SLC18A2: variants seen among roughly 807,000 people sequenced by gnomAD.
SLC18A2 encodes the protein solute carrier family 18 member A2.
In SLC18A2, 33 loss-of-function variants were observed where a neutral mutation model predicts 59.2. The observed-to-expected ratio is 0.56, with a 90% CI of 0.42 to 0.75. The LOEUF (loss-of-function observed/expected upper bound fraction) is 0.75, where lower values mean the gene tolerates loss of function less well. Ranked by LOEUF, SLC18A2 falls within the 30% of genes least tolerant of loss-of-function variation. SLC18A2 has a pLI of 0.00. For missense variants in SLC18A2, 569 were observed against 668.6 expected (o/e 0.85, Z 1.64); for synonymous variants, 228 against 253.5 (o/e 0.90, Z 0.95).
intron 15 of SLC18A2, among the ~76,000 whole-genome samples, chr10:117,274,849 A>T (rs1286793461): frequency 2.0e-5 from 3 of 152,172 alleles, no homozygotes; most frequent in Admixed American, 2.0e-4. Context: ...AGATGCTGGG[A>T]TAGGACCTTA....
chr10:117,272,895 C>G (rs1460822157), intron 15 of SLC18A2, among the ~76,000 whole-genome samples: 1 of 152,122 alleles, frequency 6.6e-6, no homozygotes, highest in Non-Finnish European at 1.5e-5. Context: ...AGGGGGCATG[C>G]AGGCAGGACA....
intron 1 of SLC18A2, 40 bp from the exon 2 acceptor site, chr10:117,241,639 C>T: frequency 1.3e-6 from 2 of 1,505,260 alleles, no homozygotes; most frequent in Non-Finnish European, 1.8e-6. Flanking sequence ...ATGGGGGGTC[C>T]ACGGCCGCCT....
intron 15 of SLC18A2, 99 bp from the exon 16 acceptor site, chr10:117,277,063 C>T (rs1844506976): frequency 8.8e-6 from 6 of 684,612 alleles, no homozygotes; most frequent in Non-Finnish European, 1.2e-5. Context: ...AGTAATACTA[C>T]ATAGTTTTCA....
chr10:117,253,861 G>A (rs1462059094), intron 4 of SLC18A2, among the ~76,000 whole-genome samples, 187 bp from the exon 5 acceptor site: 1 of 152,182 alleles, frequency 6.6e-6, no homozygotes, highest in Non-Finnish European at 1.5e-5. Flanking sequence ...AAAGTATATG[G>A]CCTGGGAGGT....
chr10:117,254,972 C>T (rs1041650400), intron 6 of SLC18A2, among the ~76,000 whole-genome samples: 3 of 152,202 alleles, frequency 2.0e-5, no homozygotes, highest in Non-Finnish European at 2.9e-5. Context: ...GTACAAGGAG[C>T]GAAGTCTCTG....
chr10:117,245,378 C>A (rs993263441), intron 3 of SLC18A2, among the ~76,000 whole-genome samples: 2 of 152,094 alleles, frequency 1.3e-5, no homozygotes, highest in African/African-American at 4.8e-5. Context: ...CAGGGCTGGG[C>A]TAGGCTGTAA....
chr10:117,277,024 C>T (rs147320870), intron 15 of SLC18A2, 138 bp from the exon 16 acceptor site: 122 of 529,054 alleles, frequency 2.3e-4, no homozygotes, highest in African/African-American at 2.2e-3. Flanking sequence ...AGGCGTCTGG[C>T]GATTGCTCCA....
At chr10:117,265,860 C>G (rs1844341672) in intron 10 of SLC18A2, among the ~76,000 whole-genome samples, 1 of 152,130 alleles carries the variant, frequency 6.6e-6, no homozygotes, top group South Asian at 2.1e-4. Flanking sequence ...GAGGCTGAGG[C>G]AGGCGGATCA....
At chr10:117,270,272 A>G (rs1378818796) in intron 14 of SLC18A2, 58 bp from the exon 15 acceptor site, 1 of 1,612,902 alleles carries the variant, frequency 6.2e-7, no homozygotes, top group Non-Finnish European at 8.5e-7. Context: ...AAATCTTTGC[A>G]TCTTTCAGTC....
chr10:117,260,221 T>A (rs1844279572), intron 10 of SLC18A2, among the ~76,000 whole-genome samples: 2 of 152,216 alleles, frequency 1.3e-5, no homozygotes, highest in South Asian at 4.1e-4. Context: ...AACTGTCTCC[T>A]GCCAGGGTGA....
intron 3 of SLC18A2, among the ~76,000 whole-genome samples, chr10:117,248,861 C>A (rs1463751328): frequency 3.3e-5 from 5 of 152,196 alleles, no homozygotes; most frequent in Admixed American, 2.6e-4. Flanking sequence ...TTGCTGGGGA[C>A]CGTTTCCCTT....
At chr10:117,268,786 T>A (rs367548678) in intron 13 of SLC18A2, 1 of 152,244 alleles carries the variant, frequency 6.6e-6, no homozygotes, top group Non-Finnish European at 1.5e-5. Flanking sequence ...CGAGAGATCA[T>A]CTGGCCCTGC....
At chr10:117,256,153 G>A (rs568808507) in intron 9 of SLC18A2, among the ~76,000 whole-genome samples, 1 of 152,342 alleles carries the variant, frequency 6.6e-6, no homozygotes, top group African/African-American at 2.4e-5. Context: ...CGAGCAGCAG[G>A]GAGGCCGTTC....
chr10:117,254,179 T>C, intron 5 of SLC18A2, 48 bp downstream of exon 5: 1 of 1,557,972 alleles, frequency 6.4e-7, no homozygotes, highest in Non-Finnish European at 8.8e-7. Flanking sequence ...CCTTGCAGAG[T>C]GAGCTGGACT....
intron 10 of SLC18A2, among the ~76,000 whole-genome samples, chr10:117,262,319 T>G (rs1395873559): frequency 6.6e-6 from 1 of 152,248 alleles, no homozygotes; most frequent in African/African-American, 2.4e-5. Flanking sequence ...TAAACAAGAA[T>G]GTTTCTTAGG....
At chr10:117,241,636 G>T (rs540094005) in intron 1 of SLC18A2, 43 bp from the exon 2 acceptor site, 1 of 1,502,032 alleles carries the variant, frequency 6.7e-7, no homozygotes. Flanking sequence ...AGAATGGGGG[G>T]TCCACGGCCG....
At chr10:117,248,745 T>C (rs1844134117) in intron 3 of SLC18A2, among the ~76,000 whole-genome samples, 2 of 152,356 alleles carry the variant, frequency 1.3e-5, no homozygotes, top group East Asian at 1.9e-4. Flanking sequence ...CAGGTAACGA[T>C]ATGGCATTGT....
At chr10:117,256,471 A>AGTT (rs1026109400) in intron 9 of SLC18A2, among the ~76,000 whole-genome samples, 3 of 152,188 alleles carry the variant, frequency 2.0e-5, no homozygotes, top group African/African-American at 7.2e-5. Flanking sequence ...CACTAGACCC[A>AGTT]GTTAGGGTTA....
intron 4 of SLC18A2, among the ~76,000 whole-genome samples, chr10:117,253,715 A>G (rs2270143): frequency 0.03 from 4,557 of 152,236 alleles, 179 homozygotes; most frequent in East Asian, 0.2. Flanking sequence ...GTGTGGTGGC[A>G]TGCACCTATA....
Sources: allele counts gnomAD v4.1 joint callset (sites outside exome capture counted in the v4.1 genomes callset), GRCh38; gene constraint gnomAD v4.1.1; transcripts MANE v1.5; gene names NCBI Gene and HGNC (gene_info 2026-07-23, HGNC 2026-07-21).